Variants in NMU observed in about 807,000 individuals in gnomAD.
NMU encodes the protein neuromedin U, also known as neuromedin-U.
NMU carries 29 observed loss-of-function variants against 35.4 expected under a neutral mutation model. That is an observed-to-expected ratio of 0.82 (90% CI 0.61 to 1.12). The LOEUF is 1.12. Among genes scored for constraint, NMU ranks in the 50% most tolerant of loss-of-function variants. The pLI, the probability that NMU is intolerant of heterozygous loss-of-function variation, is 0.00. For synonymous variants in NMU, 78 were observed against 81.3 expected (o/e 0.96, Z 0.22); for missense variants, 199 against 206.2 (o/e 0.97, Z 0.21).
chr4:55,635,934 A>G, intron 1 of NMU, 147 bp downstream of exon 1: 1 of 1,416,436 alleles, frequency 7.1e-7, no homozygotes. Flanking sequence ...TGTGCCTGGG[A>G]GGCGGGAAAC....
At chr4:55,631,757 A>T (rs188137930) in intron 1 of NMU, among the ~76,000 whole-genome samples, 2 of 152,356 alleles carry the variant, frequency 1.3e-5, no homozygotes, top group Middle Eastern at 3.4e-3. Flanking sequence ...CAGTATGGAA[A>T]TTCCTTAAAG....
Position 55,636,057 on chromosome 4 carries a change from C to A in NMU, c.112+24G>T, listed in dbSNP as rs1024335942. 6.5e-7 allele frequency: 1 copy of A among 1,531,612 alleles called. No individual in the cohort carries two copies. Among genetic ancestry groups the A allele is most frequent in the Non-Finnish European group, 8.7e-7 (1 of 1,145,598 alleles). 94.9% of individuals were successfully genotyped at this position (1,531,612 alleles called of 1,614,324 possible). On this transcript the variant is annotated intron_variant, in intron 1 of 9. Transcript: ENST00000264218. The surrounding 1 kb of genome is among the most constrained non-coding windows in gnomAD (Gnocchi z 4.0). ...GAGAGAGGCGCGCATGGCGTGGAAGCGGCCGGGTGCGGGGCCGTCTTACCT... is the reference window on the plus strand; with the variant it reads ...GAGAGAGGCGCGCATGGCGTGGAAGAGGCCGGGTGCGGGGCCGTCTTACCT...
rs764792937 is a variant in NMU at position 55,609,093 on chromosome 4, A to G, written c.279+27T>C. The G allele has an allele frequency of 1.4e-5, 23 of 1,595,856 alleles. No individual in the cohort carries two copies. The Admixed American group carries it at 3.8e-4, about 27-fold the overall frequency. ...AGAAATTTTTGGATAATTTTTGTCT[A>G]CAAACAAAACACTATTTCAAGCTTA... On this transcript the variant is annotated intron_variant, in intron 4 of 9. Coordinates refer to ENST00000264218, the MANE Select transcript of NMU (RefSeq NM_006681.4).
Position 55,636,050 on chromosome 4 carries a change from G to A in NMU, c.112+31C>T. On this transcript the variant is annotated intron_variant, in intron 1 of 9. Coordinates refer to ENST00000264218, the MANE Select transcript of NMU (RefSeq NM_006681.4). This position sits in a 1 kb window ranked among gnomAD's most constrained non-coding sequence, Gnocchi z 4.0. ...GGAGCCAGAGAGAGGCGCGCATGGC[G>A]TGGAAGCGGCCGGGTGCGGGGCCGT... 1 of 1,532,418 alleles carries A rather than the reference G, an allele frequency of 6.5e-7. No homozygotes were observed. Among genetic ancestry groups the A allele is most frequent in the Non-Finnish European group, 8.7e-7 (1 of 1,145,958 alleles). The allele number at this position is 1,532,418 out of a possible 1,614,324, so 94.9% of individuals were successfully genotyped here. A position where few individuals can be genotyped will look rare whatever the true frequency, so the allele number is the denominator to read the frequency against.
At chr4:55,632,170 G>C (rs1734779517) in intron 1 of NMU, among the ~76,000 whole-genome samples, 2 of 152,096 alleles carry the variant, frequency 1.3e-5, no homozygotes, top group South Asian at 4.1e-4. Context: ...GGCTAGGAGG[G>C]GGTTGGGGGA....
intron 3 of NMU, among the ~76,000 whole-genome samples, chr4:55,611,148 G>A (rs1438485506): frequency 6.6e-6 from 1 of 152,092 alleles, no homozygotes; most frequent in Non-Finnish European, 1.5e-5. Flanking sequence ...AACTGCTTGA[G>A]CCCAGGAGTT....
intron 2 of NMU, among the ~76,000 whole-genome samples, chr4:55,629,805 A>G (rs1020167074): frequency 2.0e-5 from 3 of 152,016 alleles, no homozygotes; most frequent in Admixed American, 6.6e-5. Flanking sequence ...CTCTCCAACT[A>G]TAACTGTTGA....
At chr4:55,612,782 T>G (rs1733986438) in intron 3 of NMU, among the ~76,000 whole-genome samples, 1 of 152,180 alleles carries the variant, frequency 6.6e-6, no homozygotes, top group African/African-American at 2.4e-5. Context: ...TTTAAATACA[T>G]GAAAGTTTTA....
intron 2 of NMU, among the ~76,000 whole-genome samples, chr4:55,626,622 A>G (rs1366496553): frequency 6.6e-6 from 1 of 152,096 alleles, no homozygotes; most frequent in East Asian, 1.9e-4. Context: ...CACGAGAATC[A>G]CTTGAACCCG....
Position 55,636,285 on chromosome 4 carries a change from C to T in NMU, c.-93G>A, listed in dbSNP as rs972188670. On this transcript the variant is annotated 5_prime_UTR_variant, in exon 1 of 10. Coordinates refer to ENST00000264218, the MANE Select transcript of NMU (RefSeq NM_006681.4). This position sits in a 1 kb window ranked among gnomAD's most constrained non-coding sequence, Gnocchi z 4.0. ...TGGTGCCCTGGCTGTGCCTCGGGGC[C>T]CGGACACAGGACTGAGCGCCCGGCG... 3 of 1,395,162 alleles carry T rather than the reference C, an allele frequency of 2.2e-6. No individual in the cohort carries two copies. In the African/African-American group the frequency reaches 4.6e-5, roughly 21 times the overall value. The allele number at this position is 1,395,162 out of a possible 1,614,324, so 86.4% of individuals were successfully genotyped here.
chr4:55,618,018 T>A (rs1438589217), intron 2 of NMU, among the ~76,000 whole-genome samples: 1 of 152,176 alleles, frequency 6.6e-6, no homozygotes, highest in Non-Finnish European at 1.5e-5. Context: ...CTTGCCCACT[T>A]TCCATTTGAG....
chr4:55,624,226 C>G (rs1225100806), intron 2 of NMU, among the ~76,000 whole-genome samples: 1 of 104,600 alleles, frequency 9.6e-6, no homozygotes, highest in Non-Finnish European at 2.0e-5. Context: ...TCAGAGTGAA[C>G]AGGCAACCTA....
rs1053836932 is a variant in NMU at position 55,630,319 on chromosome 4, C to T, written c.171+83G>A. 8 of 1,012,112 alleles carry T rather than the reference C, an allele frequency of 7.9e-6. No individual in the cohort carries two copies. In the African/African-American group the frequency reaches 1.3e-4, roughly 16 times the overall value. The allele number at this position is 1,012,112 out of a possible 1,614,324, so 62.7% of individuals were successfully genotyped here. ...GAGTGTTGGTAAAATCATAGTTCTC[C>T]CAAAGCTCAATTATACATTTTAACA... On this transcript the variant is annotated intron_variant, in intron 2 of 9. Coordinates refer to ENST00000264218, the MANE Select transcript of NMU (RefSeq NM_006681.4).
At position 55,600,581 on chromosome 4, in the gene NMU, A is replaced by G. The variant is rs775998372; in HGVS notation, c.436-6T>C. 7 of 1,602,074 alleles carry G rather than the reference A, an allele frequency of 4.4e-6. No individual in the cohort carries two copies. In the South Asian group the frequency reaches 6.6e-5, roughly 15 times the overall value. Reference sequence around the variant, plus strand: ...AAGGGACTTTGGAATTCTTCCTAGAAGAGAAAATGAGGGCATTACAAATCA... The same window carrying G: ...AAGGGACTTTGGAATTCTTCCTAGAGGAGAAAATGAGGGCATTACAAATCA... On this transcript the variant is annotated splice_region_variant and splice_polypyrimidine_tract_variant and intron_variant, in intron 7 of 9. Transcript: ENST00000264218.
chr4:55,636,171 G>C lies in NMU; in HGVS notation c.22C>G (p.Arg8Gly), dbSNP rs903026288. Residue 8 changes from arginine (R) to glycine (G), a missense_variant, in exon 1 of 10, where the codon CGC becomes GGC. Transcript: ENST00000264218. This position sits in a 1 kb window ranked among gnomAD's most constrained non-coding sequence, Gnocchi z 4.0. MLRTESC[R>G]PRSPAGQVAA... is the part of the protein sequence containing the mutation. ...ACCTGTCCGGCGGGCGACCTGGGGC[G>C]GCAGCTCTCTGTTCGCAGCATCTCG... 6.6e-7 allele frequency: 1 copy of C among 1,509,246 alleles called. No individual in the cohort carries two copies. Among genetic ancestry groups the C allele is most frequent in the African/African-American group, 1.4e-5 (1 of 70,664 alleles). 93.5% of individuals were successfully genotyped at this position (1,509,246 alleles called of 1,614,324 possible). A position where few individuals can be genotyped will look rare whatever the true frequency, so the allele number is the denominator to read the frequency against.
chr4:55,615,758 A>G (rs1245367532), intron 3 of NMU, among the ~76,000 whole-genome samples: 4 of 152,100 alleles, frequency 2.6e-5, no homozygotes, highest in Non-Finnish European at 4.4e-5. Flanking sequence ...CTAGTACCCA[A>G]TAGTTACTGA....
intron 2 of NMU, among the ~76,000 whole-genome samples, chr4:55,625,539 TA>T (rs1734491442): frequency 6.6e-6 from 1 of 152,190 alleles, no homozygotes; most frequent in Non-Finnish European, 1.5e-5. Context: ...GCATCTATCT[TA>T]TCTTTTCCCT....
At position 55,605,813 on chromosome 4, in the gene NMU, C is replaced by T. The variant is rs567351597; in HGVS notation, c.361-464G>A. On this transcript the variant is annotated intron_variant, in intron 6 of 9. Coordinates refer to ENST00000264218, the MANE Select transcript of NMU (RefSeq NM_006681.4). ...AATAACCTCCTTTATAAATTATATA[C>T]TTAAAACGGAAACGTTGGGAGCAAG... Among the ~76,000 whole-genome samples the T allele has an allele frequency of 2.0e-5, 3 of 152,284 alleles. No individual in the cohort carries two copies. In the South Asian group the frequency reaches 6.2e-4, roughly 32 times the overall value.
In NMU at chr4:55,630,411, C is replaced by T; in HGVS notation, c.162G>A (p.Leu54=). The change falls in exon 2 of 10, where the codon TTG becomes TTA. Residue 54 remains leucine (L), a synonymous_variant. Coordinates refer to ENST00000264218, the MANE Select transcript of NMU (RefSeq NM_006681.4). ...GATGATAGTTCCTTACCTCATTCCA[C>T]AACTGTAGCTGTTGTTCAGGCTGTA... ...QGLQPEQQLQ[L]WNEIDDTCSS... 1 of 1,611,924 alleles carries T rather than the reference C, an allele frequency of 6.2e-7. No individual in the cohort carries two copies. Among genetic ancestry groups the T allele is most frequent in the Non-Finnish European group, 8.5e-7 (1 of 1,178,284 alleles).
Sources: allele counts gnomAD v4.1 joint callset (sites outside exome capture counted in the v4.1 genomes callset), GRCh38; gene constraint gnomAD v4.1.1; non-coding constraint Gnocchi (gnomAD v3.1); transcripts MANE v1.5; gene names NCBI Gene and HGNC (gene_info 2026-07-23, HGNC 2026-07-21).